The following HROB variants were observed in gnomAD, a reference collection of about 807,000 sequenced individuals.
HROB encodes homologous recombination factor with OB-fold.
Under a neutral mutation model 61.0 loss-of-function variants are expected in HROB, and 44 were observed. That is an observed-to-expected ratio of 0.72 (90% confidence interval 0.57 to 0.93). The LOEUF is 0.93. Among genes scored for constraint, HROB ranks in the 40% least tolerant of loss-of-function variants. The pLI is 0.00. For synonymous variants in HROB, 301 were observed against 310.4 expected (o/e 0.97, Z 0.32); for missense variants, 716 against 796.2 (o/e 0.90, Z 1.21).
rs1036817762 is a variant in HROB at position 44,155,089 on chromosome 17, G to A, written c.1644+151G>A. 3.9e-6 allele frequency: 5 copies of A among 1,271,956 alleles called. No homozygotes were observed. The Admixed American group carries it at 1.0e-4, about 26-fold the overall frequency. The allele number at this position is 1,271,956 out of a possible 1,614,324, so 78.8% of individuals were successfully genotyped here. A position where few individuals can be genotyped will look rare whatever the true frequency, so the allele number is the denominator to read the frequency against. ...GGCTTGAGCTCAGGGAAGGCCTGTG[G>A]CCCTTGAGCTGGCCCCCATTCTTCA... On this transcript the variant is annotated intron_variant, in intron 7 of 9. Transcript: ENST00000585683.
chr17:44,145,825 A>T (rs1005080621), intron 2 of HROB, among the ~76,000 whole-genome samples: 6 of 152,260 alleles, frequency 3.9e-5, no homozygotes, highest in African/African-American at 1.4e-4. Context: ...CAATTAAATC[A>T]GAATTTCTGG....
chr17:44,157,096 C>T (rs2144079240), intron 8 of HROB, among the ~76,000 whole-genome samples: 1 of 152,226 alleles, frequency 6.6e-6, no homozygotes, highest in South Asian at 2.1e-4. Flanking sequence ...CCGTGCCTGG[C>T]CTTAATTACC....
chr17:44,148,620 T>A lies in HROB; in HGVS notation c.817T>A (p.Ser273Thr), dbSNP rs773135063. Residue 273 changes from serine to threonine, a missense_variant, in exon 3 of 10, where the codon TCC (serine) becomes ACC (threonine). Coordinates refer to ENST00000585683, the MANE Select transcript of HROB (RefSeq NM_001171251.3). ...QLHWEVCPQR[S>T]PVQALQPLQA... ...CCACTGGGAAGTCTGTCCGCAACGC[T>A]CCCCTGTTCAAGCACTTCAGCCTCT... The A allele has an allele frequency of 6.2e-7, 1 of 1,613,288 alleles. No individual in the cohort carries two copies. Among genetic ancestry groups the A allele is most frequent in the South Asian group, 1.1e-5 (1 of 91,078 alleles).
intron 8 of HROB, 39 bp from the exon 9 acceptor site, chr17:44,157,794 A>G (rs779401636): frequency 1.3e-6 from 2 of 1,521,574 alleles, no homozygotes; most frequent in South Asian, 2.3e-5. Context: ...AAGGGATTTC[A>G]GGGACACAGG....
Position 44,148,848 on chromosome 17 carries a change from A to G in HROB, c.1045A>G (p.Ile349Val). ...ACAACCGCAAGCTCCAGTGTCTTCC[A>G]TTGGGTCTCCTGTTGGTACCCCAAA... ...PLQPQAPVSS[I>V]GSPVGTPKGP... The change falls in exon 3 of 10, where the codon ATT becomes GTT. Residue 349 changes from isoleucine to valine, a missense_variant. Transcript: ENST00000585683. 3 of 1,614,166 alleles carry G rather than the reference A, an allele frequency of 1.9e-6. No homozygotes were observed. The highest frequency in any genetic ancestry group is 2.5e-6 in the Non-Finnish European group (3 of 1,180,032).
rs759952461 is a variant in HROB at position 44,147,974 on chromosome 17, C to T, written c.171C>T (p.Ser57=). 1.9e-6 allele frequency: 3 copies of T among 1,614,104 alleles called. No individual in the cohort carries two copies. The highest frequency in any genetic ancestry group is 2.2e-5 in the East Asian group (1 of 44,878). Residue 57 remains serine (S), a synonymous_variant, in exon 3 of 10, where the codon TCC becomes TCT. Transcript: ENST00000585683. ...CACAGGAGACTGTGCAGGCACAGTC[C>T]TCCAGGCTGCTGCTGTTACACCCCA... is the stretch of plus-strand genomic sequence containing the variant. ...SRPQETVQAQ[S]SRLLLLHPTA...
chr17:44,155,207 G>T, intron 7 of HROB, 79 bp from the exon 8 acceptor site: 1 of 1,583,346 alleles, frequency 6.3e-7, no homozygotes, highest in African/African-American at 1.3e-5. Context: ...CCAAGTGAAA[G>T]GCAGGTGGGA....
Position 44,152,348 on chromosome 17 carries a change from GA to G in HROB, c.1309-280del, listed in dbSNP as rs971255463. Among the ~76,000 whole-genome samples the G allele has an allele frequency of 4.0e-3, 487 of 122,416 alleles. 5 individuals are homozygous for G. The highest frequency in any genetic ancestry group is 0.015 in the African/African-American group (471 of 32,206). 80.3% of individuals were successfully genotyped at this position (122,416 alleles called of 152,430 possible). ...TGCAGACAGGACCTGATTTTAAAAA[GA>G]AAAAAAAAGAGTATCTGCTGAATGA... On this transcript the variant is annotated intron_variant, in intron 4 of 9. Transcript: ENST00000585683.
At chr17:44,161,012 C>T (rs1470350000) in intron 9 of HROB, among the ~76,000 whole-genome samples, 1 of 152,096 alleles carries the variant, frequency 6.6e-6, no homozygotes, top group African/African-American at 2.4e-5. Context: ...ACCATCTTGG[C>T]TAACACGGTG....
intron 2 of HROB, among the ~76,000 whole-genome samples, chr17:44,146,707 T>C (rs1193435293): frequency 6.6e-6 from 1 of 152,112 alleles, no homozygotes; most frequent in Non-Finnish European, 1.5e-5. Context: ...TTATTATTGT[T>C]GAGTCCTGTG....
At chr17:44,142,822 A>G (rs1460391586) in intron 1 of HROB, among the ~76,000 whole-genome samples, 1 of 152,156 alleles carries the variant, frequency 6.6e-6, no homozygotes, top group Non-Finnish European at 1.5e-5. Context: ...CTGTGCAGAC[A>G]TGTTTGGATT....
chr17:44,150,443 G>T (rs193053086), intron 3 of HROB, among the ~76,000 whole-genome samples: 1 of 150,696 alleles, frequency 6.6e-6, no homozygotes. Flanking sequence ...AGGCAGGAGT[G>T]CAGTGGCACA....
intron 4 of HROB, among the ~76,000 whole-genome samples, chr17:44,151,443 T>G (rs2053802084): frequency 6.6e-6 from 1 of 152,114 alleles, no homozygotes; most frequent in Non-Finnish European, 1.5e-5. Context: ...CTTTGGTGGG[T>G]GAGACCCTGC....
intron 8 of HROB, 62 bp from the exon 9 acceptor site, chr17:44,157,771 G>A (rs1386414046): frequency 1.6e-6 from 2 of 1,283,766 alleles, no homozygotes; most frequent in African/African-American, 2.9e-5. Context: ...CTGGGTAGAG[G>A]TGGTGCCATC....
At position 44,150,956 on chromosome 17, in the gene HROB, C is replaced by T. The variant is rs1380491202; in HGVS notation, c.1225-5C>T. 2 of 1,607,592 alleles carry T rather than the reference C, an allele frequency of 1.2e-6. No individual in the cohort carries two copies. The highest frequency in any genetic ancestry group is 2.7e-5 in the African/African-American group (2 of 74,918). ...CTCTCATCTTCTCCTTCCCTCCCCT[C>T]TTAGCAGAGTGGGAGAAGTCTGGAG... On this transcript the variant is annotated splice_region_variant and splice_polypyrimidine_tract_variant and intron_variant, in intron 3 of 9. Transcript: ENST00000585683.
intron 4 of HROB, among the ~76,000 whole-genome samples, chr17:44,152,403 G>A (rs2053840024): frequency 6.6e-6 from 1 of 150,946 alleles, no homozygotes; most frequent in Non-Finnish European, 1.5e-5. Flanking sequence ...AGATTTTCAC[G>A]TGCTTCAAAT....
Position 44,142,045 on chromosome 17 carries a change from G to T in HROB, c.-98G>T, listed in dbSNP as rs1567708861. ...CAGCCCGGAAGCACTGTCCCTCGGA[G>T]TCCGAGACTTCCACCTGGGTCGTGT... is the stretch of plus-strand genomic sequence containing the variant. On this transcript the variant is annotated 5_prime_UTR_variant, in exon 1 of 10. Transcript: ENST00000585683. The T allele has an allele frequency of 2.0e-6, 3 of 1,468,266 alleles. No individual in the cohort carries two copies. Among genetic ancestry groups the T allele is most frequent in the African/African-American group, 2.9e-5 (2 of 69,720 alleles). 91.0% of individuals were successfully genotyped at this position (1,468,266 alleles called of 1,614,324 possible).
intron 3 of HROB, among the ~76,000 whole-genome samples, chr17:44,149,959 G>A (rs1224176228): frequency 5.9e-5 from 9 of 152,290 alleles, no homozygotes; most frequent in Admixed American, 4.6e-4. Context: ...GGTGTGTGGC[G>A]GAGCGGGCGC....
intron 9 of HROB, among the ~76,000 whole-genome samples, chr17:44,160,139 G>C (rs531874842): frequency 8.0e-4 from 122 of 152,338 alleles, no homozygotes; most frequent in African/African-American, 2.9e-3. Context: ...TTATCAGGGC[G>C]TGACAGAGGA....
Sources: allele counts gnomAD v4.1 joint callset (sites outside exome capture counted in the v4.1 genomes callset), GRCh38; gene constraint gnomAD v4.1.1; transcripts MANE v1.5; gene names NCBI Gene and HGNC (gene_info 2026-07-23, HGNC 2026-07-21).